The following CUEDC1 variants were observed in gnomAD, a reference collection of about 807,000 sequenced individuals.
CUEDC1 encodes CUE domain-containing protein 1.
Under a neutral mutation model 43.7 loss-of-function variants are expected in CUEDC1, and 30 were observed. The ratio of observed to expected loss-of-function variants is 0.69; its 90% confidence interval spans 0.51 to 0.93. The LOEUF (loss-of-function observed/expected upper bound fraction) is 0.93, where lower values mean the gene tolerates loss of function less well. CUEDC1 is among the 40% of genes least tolerant of loss of function. The pLI, the probability that CUEDC1 is intolerant of heterozygous loss-of-function variation, is 0.00. For synonymous variants in CUEDC1, 223 were observed against 223.6 expected (o/e 1.00, Z 0.02); for missense variants, 486 against 549.0 (o/e 0.89, Z 1.15).
intron 1 of CUEDC1, among the ~76,000 whole-genome samples, chr17:57,890,687 C>T (rs2074346023): frequency 2.6e-5 from 4 of 152,240 alleles, no homozygotes; most frequent in Non-Finnish European, 4.4e-5. Context: ...AGCATAAGCA[C>T]GCAGCCAAGG....
In CUEDC1 at chr17:57,863,232, T is replaced by C. The variant is rs1004163075; in HGVS notation, c.*57A>G. ...CTTCAGCTGGGGGCCAGTGTTGCTT[T>C]CCAGCTGCCCCCACCGGGTCAGATC... is the stretch of plus-strand genomic sequence containing the variant. On this transcript the variant is annotated 3_prime_UTR_variant, in exon 11 of 11. Coordinates refer to ENST00000577830, the MANE Select transcript of CUEDC1 (RefSeq NM_001271875.2). 1 of 152,734 alleles carries C rather than the reference T, an allele frequency of 6.5e-6. No individual in the cohort carries two copies. The highest frequency in any genetic ancestry group is 2.4e-5 in the African/African-American group (1 of 41,568). The allele number at this position is 152,734 out of a possible 1,614,324, so 9.5% of individuals were successfully genotyped here.
At position 57,863,544 on chromosome 17, in the gene CUEDC1, G is replaced by T. The variant is rs533956877; in HGVS notation, c.*4-259C>A. ...GAGTGAAGGAATGGAATCCCGGGGT[G>T]AAGCAGCTGTAGGGGAGGGCTTCAA... On this transcript the variant is annotated intron_variant, in intron 10 of 10. Coordinates refer to ENST00000577830, the MANE Select transcript of CUEDC1 (RefSeq NM_001271875.2). 1.5e-3 allele frequency among the ~76,000 whole-genome samples: 227 copies of T among 152,310 alleles called. 1 individual carries two copies. Among genetic ancestry groups the T allele is most frequent in the Non-Finnish European group, 1.4e-3 (98 of 68,034 alleles).
intron 1 of CUEDC1, among the ~76,000 whole-genome samples, chr17:57,911,035 C>G (rs545289635): frequency 6.6e-6 from 1 of 152,154 alleles, no homozygotes; most frequent in African/African-American, 2.4e-5. Context: ...AGGTCCCCTC[C>G]GAACTCCTCA....
chr17:57,885,735 A>G lies in CUEDC1; in HGVS notation c.-171T>C. 1 of 1,144,412 alleles carries G rather than the reference A, an allele frequency of 8.7e-7. No individual in the cohort carries two copies. Among genetic ancestry groups the G allele is most frequent in the Non-Finnish European group, 1.1e-6 (1 of 893,910 alleles). 70.9% of individuals were successfully genotyped at this position (1,144,412 alleles called of 1,614,324 possible). A position where few individuals can be genotyped will look rare whatever the true frequency, so the allele number is the denominator to read the frequency against. The stretch of plus-strand genomic sequence containing the variant: ...GGGCTGCCAAGAGCTCCGGGTTAGG[A>G]GAGTACGGGCGCGGGGCCCCAGGCA... On this transcript the variant is annotated 5_prime_UTR_variant, in exon 2 of 11. Coordinates refer to ENST00000577830, the MANE Select transcript of CUEDC1 (RefSeq NM_001271875.2).
At chr17:57,872,281 C>T (rs936242151) in intron 5 of CUEDC1, among the ~76,000 whole-genome samples, 2 of 152,238 alleles carry the variant, frequency 1.3e-5, no homozygotes, top group Non-Finnish European at 2.9e-5. Context: ...TGAACCCAGT[C>T]GTTCTGTTTC....
chr17:57,912,580 G>A (rs561223702), intron 1 of CUEDC1: 6 of 151,978 alleles, frequency 3.9e-5, no homozygotes, highest in Admixed American at 2.0e-4. Context: ...TTGTGCCTCA[G>A]TTTCACTATC....
At chr17:57,913,677 C>A (rs1020426620) in intron 1 of CUEDC1, among the ~76,000 whole-genome samples, 1 of 152,156 alleles carries the variant, frequency 6.6e-6, no homozygotes, top group African/African-American at 2.4e-5. Flanking sequence ...TTCTGCCCCC[C>A]ATCCCAGGGA....
chr17:57,864,859 GCCTGGC>G, intron 10 of CUEDC1, among the ~76,000 whole-genome samples: 1 of 152,268 alleles, frequency 6.6e-6, no homozygotes, highest in Non-Finnish European at 1.5e-5. Flanking sequence ...TTCGAAACCA[GCCTGGC>G]CACATGGCAA....
intron 1 of CUEDC1, among the ~76,000 whole-genome samples, chr17:57,927,517 A>T (rs2074760317): frequency 6.6e-6 from 1 of 152,204 alleles, no homozygotes; most frequent in Non-Finnish European, 1.5e-5. Context: ...GGAAGCTCCC[A>T]AGGCAGGGCT....
At chr17:57,923,011 G>A (rs986632228) in intron 1 of CUEDC1, among the ~76,000 whole-genome samples, 48 of 151,892 alleles carry the variant, frequency 3.2e-4, no homozygotes, top group African/African-American at 1.1e-3. Context: ...ATTTTTTATA[G>A]AGACGGGCCT....
chr17:57,938,415 G>A (rs1481269139), intron 1 of CUEDC1, among the ~76,000 whole-genome samples: 2 of 151,982 alleles, frequency 1.3e-5, no homozygotes, highest in Non-Finnish European at 2.9e-5. Flanking sequence ...CAGCTCGCCT[G>A]CCTCCACCAA....
chr17:57,924,286 A>G (rs1309718213), intron 1 of CUEDC1, among the ~76,000 whole-genome samples: 2 of 152,092 alleles, frequency 1.3e-5, no homozygotes, highest in South Asian at 2.1e-4. Context: ...TTGTATTTTT[A>G]GTAGAGACAG....
intron 1 of CUEDC1, among the ~76,000 whole-genome samples, chr17:57,893,373 G>GTGTGTGTGTGTGTGTGTGTGTGTGTT (rs1175517850): frequency 7.9e-5 from 12 of 152,040 alleles, no homozygotes; most frequent in Admixed American, 5.9e-4. Context: ...GTGTGTGTGT[G>GTGTGTGTGTGTGTGTGTGTGTGTGTT]TTTCAGGCAG....
At chr17:57,929,457 C>T (rs1306719663) in intron 1 of CUEDC1, among the ~76,000 whole-genome samples, 1 of 152,110 alleles carries the variant, frequency 6.6e-6, no homozygotes, top group Admixed American at 6.5e-5. Context: ...GTTGTGGGTC[C>T]TTACCAAATA....
At chr17:57,874,826 T>A (rs1048648148) in intron 3 of CUEDC1, among the ~76,000 whole-genome samples, 2 of 148,834 alleles carry the variant, frequency 1.3e-5, no homozygotes, top group Non-Finnish European at 3.0e-5. Flanking sequence ...GGAAATAACT[T>A]CCTTTCCTTT....
chr17:57,865,806 C>T (rs925577623), intron 10 of CUEDC1, among the ~76,000 whole-genome samples: 2 of 150,522 alleles, frequency 1.3e-5, no homozygotes, highest in Non-Finnish European at 2.9e-5. Flanking sequence ...GTTGAGACCA[C>T]CTCAGTTTTT....
intron 2 of CUEDC1, among the ~76,000 whole-genome samples, chr17:57,884,714 C>T (rs1256834370): frequency 6.6e-6 from 1 of 152,204 alleles, no homozygotes; most frequent in Non-Finnish European, 1.5e-5. Context: ...TTAGCCATCG[C>T]TTCCTCTGGG....
At chr17:57,919,352 G>A (rs1405120787) in intron 1 of CUEDC1, among the ~76,000 whole-genome samples, 1 of 151,388 alleles carries the variant, frequency 6.6e-6, no homozygotes. Flanking sequence ...GCTAATTTTT[G>A]TATTTTTAGT....
intron 1 of CUEDC1, among the ~76,000 whole-genome samples, chr17:57,951,714 C>T (rs1047969061): frequency 3.3e-5 from 5 of 152,178 alleles, no homozygotes; most frequent in African/African-American, 9.7e-5. Flanking sequence ...CCGCCTCAGC[C>T]TCCCAAAGTG....
Sources: gnomAD v4.1 joint callset for allele counts (sites outside exome capture counted in the v4.1 genomes callset) on GRCh38, gnomAD v4.1.1 for gene constraint, MANE v1.5 for transcripts, NCBI Gene and HGNC (gene_info 2026-07-23, HGNC 2026-07-21) for gene names.